DNAH11: variants seen among roughly 807,000 people sequenced by gnomAD.
DNAH11 encodes axonemal beta dynein heavy chain 11.
DNAH11 carries 442 observed loss-of-function variants against 526.0 expected under a neutral mutation model. The ratio of observed to expected loss-of-function variants is 0.84; its 90% CI spans 0.78 to 0.91. The LOEUF (loss-of-function observed/expected upper bound fraction) is 0.91. DNAH11 is among the 40% of genes least tolerant of loss of function. DNAH11 has a pLI of 0.00. For synonymous variants in DNAH11, 2,461 were observed against 1,935.9 expected (o/e 1.27, Z -7.12); for missense variants, 6,989 against 5,448.7 (o/e 1.28, Z -8.90).
At chr7:21,891,524 G>A (rs1283195322) in intron 76 of DNAH11, among the ~76,000 whole-genome samples, 1 of 152,092 alleles carries the variant, frequency 6.6e-6, no homozygotes, top group Non-Finnish European at 1.5e-5. Flanking sequence ...GTTTATGGCT[G>A]GTCAGAGACT....
intron 43 of DNAH11, 122 bp from the exon 44 acceptor site, chr7:21,720,603 G>C (rs1332894633): frequency 1.8e-6 from 2 of 1,142,256 alleles, no homozygotes; most frequent in African/African-American, 3.2e-5. Flanking sequence ...TCCCAATGTA[G>C]CAAATCACAG....
intron 2 of DNAH11, among the ~76,000 whole-genome samples, chr7:21,547,713 C>T (rs930289674): frequency 6.6e-6 from 1 of 152,202 alleles, no homozygotes; most frequent in African/African-American, 2.4e-5. Context: ...TTGTCATATC[C>T]TCAGGCTGGC....
In DNAH11 at chr7:21,806,924, A is replaced by C. The variant is rs540630058; in HGVS notation, c.10166-959A>C. 2.0e-5 allele frequency among the ~76,000 whole-genome samples: 3 copies of C among 152,190 alleles called. No individual in the cohort carries two copies. In the South Asian group the frequency reaches 6.2e-4, roughly 32 times the overall value. ...GGAGTATTGTGAAGTCCTGATTTCC[A>C]CCTTTTTATATAGGTCATAGCTTCC... On this transcript the variant is annotated intron_variant, in intron 62 of 81. Coordinates refer to ENST00000409508, the MANE Select transcript of DNAH11 (RefSeq NM_001277115.2).
chr7:21,807,808 G>C, intron 62 of DNAH11, 75 bp from the exon 63 acceptor site: 2 of 1,440,670 alleles, frequency 1.4e-6, no homozygotes, highest in Non-Finnish European at 9.5e-7. Flanking sequence ...CTTGCCATAA[G>C]GTAATTGCAT....
At position 21,636,114 on chromosome 7, in the gene DNAH11, G is replaced by C. The variant is rs1583551090; in HGVS notation, c.4725+19G>C. On this transcript the variant is annotated intron_variant, in intron 26 of 81. Coordinates refer to ENST00000409508, the MANE Select transcript of DNAH11 (RefSeq NM_001277115.2). ...ATTTAAGGTTTGTCAAAGACAGGCT[G>C]TATGCTATTCTAGCAAAGTTTTGTA... The C allele has an allele frequency of 6.3e-7, 1 of 1,578,992 alleles. No homozygotes were observed. The highest frequency in any genetic ancestry group is 1.3e-5 in the African/African-American group (1 of 74,266).
At position 21,830,897 on chromosome 7, in the gene DNAH11, G is replaced by C. The variant is rs142212578; in HGVS notation, c.10692-11647G>C. Among the ~76,000 whole-genome samples, 287 of 152,244 alleles carry C rather than the reference G, an allele frequency of 1.9e-3. 1 individual carries two copies. The highest frequency in any genetic ancestry group is 6.3e-3 in the African/African-American group (260 of 41,544). On this transcript the variant is annotated intron_variant, in intron 65 of 81. Coordinates refer to ENST00000409508, the MANE Select transcript of DNAH11 (RefSeq NM_001277115.2). ...TACTCAGAAAAATAATTTTATTTCT[G>C]TTCTGAGATTACTTAAGCAGCTTCT...
intron 76 of DNAH11, among the ~76,000 whole-genome samples, chr7:21,889,007 A>AC (rs1361118026): frequency 2.5e-5 from 3 of 117,952 alleles, no homozygotes; most frequent in Non-Finnish European, 5.7e-5. Context: ...CGCCCCACCC[A>AC]CCCAAAAAAA....
At chr7:21,582,526 A>C (rs1161761284) in intron 9 of DNAH11, among the ~76,000 whole-genome samples, 1 of 152,224 alleles carries the variant, frequency 6.6e-6, no homozygotes, top group East Asian at 1.9e-4. Context: ...AATAATTATG[A>C]TTTCATTGAC....
Position 21,852,614 on chromosome 7 carries a change from G to A in DNAH11, c.11044G>A (p.Ala3682Thr). Residue 3682 changes from alanine (A) to threonine (T), a missense_variant, in exon 67 of 82, where the codon GCA (alanine) becomes ACA (threonine). Coordinates refer to ENST00000409508, the MANE Select transcript of DNAH11 (RefSeq NM_001277115.2). Reference protein sequence around the residue: ...ERLEATKTTVAEIEHKVIEAK... With the variant: ...ERLEATKTTVTEIEHKVIEAK... ...ATTGGAGGCAACAAAGACCACCGTG[G>A]CAGAGATAGAGCACAAGGTAGGAAG... 1 of 1,599,156 alleles carries A rather than the reference G, an allele frequency of 6.3e-7. No individual in the cohort carries two copies. The highest frequency in any genetic ancestry group is 8.5e-7 in the Non-Finnish European group (1 of 1,174,284).
intron 5 of DNAH11, chr7:21,561,497 C>G (rs1426080786): frequency 3.9e-5 from 8 of 205,536 alleles, no homozygotes; most frequent in African/African-American, 1.9e-4. Context: ...ACAGATTGGG[C>G]TATGGTGAGT....
intron 29 of DNAH11, 47 bp from the exon 30 acceptor site, chr7:21,658,749 TCC>T (rs758897460): frequency 4.1e-6 from 6 of 1,450,666 alleles, no homozygotes; most frequent in Non-Finnish European, 9.2e-7. Context: ...GATGAAATTA[TCC>T]TTCCATAGTT....
chr7:21,898,525 A>G (rs754630722), intron 79 of DNAH11, among the ~76,000 whole-genome samples: 1 of 152,198 alleles, frequency 6.6e-6, no homozygotes, highest in Non-Finnish European at 1.5e-5. Context: ...CTTTCCTTCT[A>G]GAGAACTCTG....
chr7:21,682,171 T>C (rs1208420486), intron 31 of DNAH11, among the ~76,000 whole-genome samples: 1 of 152,196 alleles, frequency 6.6e-6, no homozygotes, highest in Non-Finnish European at 1.5e-5. Context: ...AACTAAATTA[T>C]TGTCTTGTAA....
At chr7:21,745,639 A>G (rs1250295810) in intron 51 of DNAH11, among the ~76,000 whole-genome samples, 1 of 152,244 alleles carries the variant, frequency 6.6e-6, no homozygotes, top group Non-Finnish European at 1.5e-5. Context: ...AACACAATCC[A>G]GTCCCCTCTG....
intron 30 of DNAH11, among the ~76,000 whole-genome samples, chr7:21,672,609 G>C (rs1282755443): frequency 6.6e-6 from 1 of 152,226 alleles, no homozygotes; most frequent in Non-Finnish European, 1.5e-5. Context: ...CTTTTCTGCA[G>C]AGTGGCCTCT....
intron 62 of DNAH11, among the ~76,000 whole-genome samples, chr7:21,805,126 A>G (rs753046080): frequency 1.3e-5 from 2 of 152,134 alleles, no homozygotes; most frequent in African/African-American, 4.8e-5. Flanking sequence ...ACCTCCCTAC[A>G]TAAAAGAGCC....
At chr7:21,628,216 A>G (rs189979736) in intron 25 of DNAH11, among the ~76,000 whole-genome samples, 274 of 152,086 alleles carry the variant, frequency 1.8e-3, no homozygotes, top group African/African-American at 6.2e-3. Flanking sequence ...TTTTCTAAGT[A>G]CAAGATCATG....
At chr7:21,789,824 C>CTTTCTTTCTTTG (rs1788384961) in intron 61 of DNAH11, among the ~76,000 whole-genome samples, 1 of 102,858 alleles carries the variant, frequency 9.7e-6, no homozygotes, top group East Asian at 2.5e-4. Flanking sequence ...TTCTTTCTTT[C>CTTTCTTTCTTTG]TTTCTTTCTT....
At chr7:21,617,105 A>G (rs1309793489) in intron 22 of DNAH11, among the ~76,000 whole-genome samples, 2 of 152,086 alleles carry the variant, frequency 1.3e-5, no homozygotes, top group Non-Finnish European at 2.9e-5. Flanking sequence ...CTCATTCACA[A>G]TTGCTGATGT....
Sources: allele counts gnomAD v4.1 joint callset (sites outside exome capture counted in the v4.1 genomes callset), GRCh38; gene constraint gnomAD v4.1.1; transcripts MANE v1.5; gene names NCBI Gene and HGNC (gene_info 2026-07-23, HGNC 2026-07-21).